The following MAGI2 variants were observed in gnomAD, a reference collection of about 807,000 sequenced individuals.
MAGI2 encodes the protein membrane associated guanylate kinase, WW and PDZ domain containing 2.
In MAGI2, 35 loss-of-function variants were observed where a neutral mutation model predicts 133.3. The observed-to-expected ratio is 0.26, with a 90% CI of 0.20 to 0.35. MAGI2 has a LOEUF of 0.35. Among genes scored for constraint, MAGI2 ranks in the 10% least tolerant of loss-of-function variants. MAGI2 has a pLI of 1.00. For missense variants in MAGI2, 1,636 were observed against 1,863.4 expected, an observed-to-expected ratio of 0.88 and a Z score of 2.25; for synonymous variants, 729 against 710.6, an observed-to-expected ratio of 1.03 and a Z score of -0.41.
chr7:78,127,168 G>T, intron 19 of MAGI2, 29 bp downstream of exon 19: 1 of 1,516,074 alleles, frequency 6.6e-7, no homozygotes. Context: ...CCTTGGTCAG[G>T]ACCCACCCTG....
At chr7:78,608,562 C>T (rs1028442289) in intron 3 of MAGI2, among the ~76,000 whole-genome samples, 12 of 151,892 alleles carry the variant, frequency 7.9e-5, no homozygotes, top group African/African-American at 2.9e-4. Context: ...TAAACTCTAT[C>T]TAAAGTTTTC....
intron 1 of MAGI2, among the ~76,000 whole-genome samples, chr7:79,154,447 C>G (rs946445247): frequency 6.6e-6 from 1 of 152,068 alleles, no homozygotes; most frequent in African/African-American, 2.4e-5. Flanking sequence ...TCTGCTAATG[C>G]CAGTAAAAGC....
At chr7:78,208,852 A>C (rs1787404577) in intron 10 of MAGI2, among the ~76,000 whole-genome samples, 1 of 152,062 alleles carries the variant, frequency 6.6e-6, no homozygotes, top group Non-Finnish European at 1.5e-5. Context: ...GGAATCTTTT[A>C]TCTTTCCTCC....
chr7:79,398,689 T>A (rs1169744285), intron 1 of MAGI2, among the ~76,000 whole-genome samples: 1 of 152,222 alleles, frequency 6.6e-6, no homozygotes, highest in Non-Finnish European at 1.5e-5. Context: ...TTCATGTTCA[T>A]AATCTCCCTT....
intron 10 of MAGI2, among the ~76,000 whole-genome samples, chr7:78,210,357 G>A (rs1372356682): frequency 6.6e-6 from 1 of 152,144 alleles, no homozygotes; most frequent in Non-Finnish European, 1.5e-5. Context: ...GAGAACTGAT[G>A]AGTCCCGGAG....
chr7:79,043,166 A>G (rs1394418025), intron 1 of MAGI2, among the ~76,000 whole-genome samples: 2 of 152,120 alleles, frequency 1.3e-5, no homozygotes, highest in Non-Finnish European at 2.9e-5. Context: ...CATCGCATCT[A>G]GAGGAACTAG....
chr7:79,188,994 G>T (rs1318335124), intron 1 of MAGI2, among the ~76,000 whole-genome samples: 1 of 151,700 alleles, frequency 6.6e-6, no homozygotes, highest in African/African-American at 2.4e-5. Flanking sequence ...TATTTTATGT[G>T]TATGCACAAA....
chr7:78,498,210 C>A (rs1047982616), intron 5 of MAGI2, among the ~76,000 whole-genome samples: 1 of 152,124 alleles, frequency 6.6e-6, no homozygotes, highest in Non-Finnish European at 1.5e-5. Context: ...TGAGCCATCC[C>A]ACAATGTGAA....
At chr7:79,191,328 G>A (rs1327657675) in intron 1 of MAGI2, among the ~76,000 whole-genome samples, 2 of 147,828 alleles carry the variant, frequency 1.4e-5, no homozygotes, top group Admixed American at 6.7e-5. Flanking sequence ...CTCAAATCAT[G>A]CAAGCTTTGA....
intron 2 of MAGI2, among the ~76,000 whole-genome samples, chr7:78,689,275 C>T (rs1816701435): frequency 6.6e-6 from 1 of 152,110 alleles, no homozygotes; most frequent in Admixed American, 6.5e-5. Context: ...CAGTACAACA[C>T]CTAATAATTC....
intron 4 of MAGI2, among the ~76,000 whole-genome samples, chr7:78,519,936 C>T (rs760347948): frequency 3.9e-5 from 6 of 152,202 alleles, no homozygotes; most frequent in Non-Finnish European, 7.4e-5. Flanking sequence ...GCTAAGAAAA[C>T]GATGTACTAT....
chr7:79,047,159 A>C (rs915562194), intron 1 of MAGI2, among the ~76,000 whole-genome samples: 2 of 152,130 alleles, frequency 1.3e-5, no homozygotes, highest in Non-Finnish European at 2.9e-5. Context: ...TGTTATGACA[A>C]AGTTACTATA....
At chr7:78,250,231 A>T (rs1792245719) in intron 10 of MAGI2, among the ~76,000 whole-genome samples, 1 of 152,134 alleles carries the variant, frequency 6.6e-6, no homozygotes, top group South Asian at 2.1e-4. Flanking sequence ...ATTATTAGAA[A>T]TCAACAATAG....
At position 78,346,045 on chromosome 7, in the gene MAGI2, TA is replaced by T. The variant is rs769498385; in HGVS notation, c.1104-3del. On this transcript the variant is annotated splice_polypyrimidine_tract_variant and splice_region_variant and intron_variant, in intron 7 of 21. Coordinates refer to ENST00000354212, the MANE Select transcript of MAGI2 (RefSeq NM_012301.4). Reference sequence around the variant, plus strand: ...AACTGTGTTCTTCTATTTATGTGGCTAAAAAAGAAAATTTCAGATTAGGATA... The same window carrying T: ...AACTGTGTTCTTCTATTTATGTGGCTAAAAAGAAAATTTCAGATTAGGATA... The T allele has an allele frequency of 3.7e-6, 6 of 1,613,742 alleles. No individual in the cohort carries two copies. Among genetic ancestry groups the T allele is most frequent in the Admixed American group, 1.7e-5 (1 of 59,900 alleles).
intron 1 of MAGI2, among the ~76,000 whole-genome samples, chr7:79,367,858 C>CATATATATATATATATATATGTATAT (rs367920302): frequency 1.1e-5 from 1 of 87,114 alleles, no homozygotes; most frequent in Admixed American, 1.3e-4. Context: ...ATATATGTGA[C>CATATATATATATATATATATGTATAT]ATATATATAT....
At chr7:78,352,848 T>A (rs1791662692) in intron 7 of MAGI2, 2 of 152,200 alleles carry the variant, frequency 1.3e-5, no homozygotes, top group Non-Finnish European at 2.9e-5. Context: ...GTATTTTATA[T>A]ATAAAGGAAG....
At chr7:78,537,655 G>A (rs772941723) in intron 3 of MAGI2, among the ~76,000 whole-genome samples, 52 of 152,028 alleles carry the variant, frequency 3.4e-4, no homozygotes, top group Non-Finnish European at 5.3e-4. Flanking sequence ...TGTGAGAACT[G>A]TCCATATTCT....
At chr7:79,155,632 G>C (rs1016086548) in intron 1 of MAGI2, among the ~76,000 whole-genome samples, 1 of 152,128 alleles carries the variant, frequency 6.6e-6, no homozygotes, top group African/African-American at 2.4e-5. Flanking sequence ...GGCAAAGGGG[G>C]ACCAGAGAGT....
chr7:79,286,799 C>T (rs925594884), intron 1 of MAGI2, among the ~76,000 whole-genome samples: 8 of 152,056 alleles, frequency 5.3e-5, no homozygotes, highest in African/African-American at 1.7e-4. Context: ...CCTCCATTAG[C>T]TTCTCAGCCC....
Sources: gnomAD v4.1 joint callset for allele counts (sites outside exome capture counted in the v4.1 genomes callset) on GRCh38, gnomAD v4.1.1 for gene constraint, MANE v1.5 for transcripts, NCBI Gene and HGNC (gene_info 2026-07-23, HGNC 2026-07-21) for gene names.